The following PTPRD variants were observed in gnomAD, a reference collection of about 807,000 sequenced individuals.
The protein encoded by PTPRD is receptor-type tyrosine-protein phosphatase delta.
In PTPRD, 34 loss-of-function variants were observed where a neutral mutation model predicts 214.5. The ratio of observed to expected loss-of-function variants is 0.16; its 90% CI spans 0.12 to 0.21. PTPRD has a LOEUF of 0.21. Among genes scored for constraint, PTPRD ranks in the 10% least tolerant of loss-of-function variants. The pLI is 1.00. For synonymous variants in PTPRD, 1,128 were observed against 845.7 expected, an observed-to-expected ratio of 1.33 and a Z score of -5.79; for missense variants, 2,545 against 2,398.7, an observed-to-expected ratio of 1.06 and a Z score of -1.27.
intron 7 of PTPRD, among the ~76,000 whole-genome samples, chr9:9,612,637 T>A (rs994360158): frequency 6.6e-6 from 1 of 151,968 alleles, no homozygotes; most frequent in East Asian, 1.9e-4. Context: ...CAGCCAATTA[T>A]CCTAAGATAG....
chr9:9,574,356 T>C (rs571179486), intron 8 of PTPRD, among the ~76,000 whole-genome samples: 44 of 152,000 alleles, frequency 2.9e-4, no homozygotes, highest in Non-Finnish European at 5.6e-4. Context: ...TTTTGATACA[T>C]CTTGACAGGT....
At chr9:9,175,209 C>G (rs7873245) in intron 10 of PTPRD, among the ~76,000 whole-genome samples, 137,879 of 152,206 alleles carry the variant, frequency 0.91, 62,678 homozygotes, top group South Asian at 0.97. Flanking sequence ...CAAGATTTTT[C>G]TAAAACGTTG....
intron 3 of PTPRD, among the ~76,000 whole-genome samples, chr9:10,085,759 C>T (rs1001689209): frequency 6.6e-6 from 1 of 151,792 alleles, no homozygotes; most frequent in African/African-American, 2.4e-5. Context: ...CCAGGTGAAA[C>T]ACAAGTAGGT....
Position 10,094,911 on chromosome 9 carries a change from G to C in PTPRD, c.-544-61121C>G, listed in dbSNP as rs1047169648. On this transcript the variant is annotated intron_variant, in intron 3 of 45. Coordinates refer to ENST00000381196, the MANE Select transcript of PTPRD (RefSeq NM_002839.4). ...GACTACTTCAAAAGCAAGAATATTA[G>C]CATTACTGATTTGTTTTCCATTCTC... Among the ~76,000 whole-genome samples, 6 of 151,304 alleles carry C rather than the reference G, an allele frequency of 4.0e-5. No individual in the cohort carries two copies. The Admixed American group carries it at 4.0e-4, about 10-fold the overall frequency.
At chr9:9,115,421 G>A (rs1000208999) in intron 10 of PTPRD, among the ~76,000 whole-genome samples, 5 of 151,976 alleles carry the variant, frequency 3.3e-5, no homozygotes, top group East Asian at 1.9e-4. Context: ...AAATAAAACC[G>A]CAAGGAGAGA....
chr9:8,909,486 A>G (rs2098732065), intron 11 of PTPRD, among the ~76,000 whole-genome samples: 1 of 152,152 alleles, frequency 6.6e-6, no homozygotes, highest in African/African-American at 2.4e-5. Context: ...TTGACAGACA[A>G]AAGGGCAAAG....
chr9:10,363,153 T>C (rs983203918), intron 2 of PTPRD, among the ~76,000 whole-genome samples: 1 of 152,172 alleles, frequency 6.6e-6, no homozygotes, highest in African/African-American at 2.4e-5. Context: ...TTTTAATATT[T>C]ATACAACAAA....
intron 5 of PTPRD, among the ~76,000 whole-genome samples, chr9:9,911,969 G>T (rs1265521808): frequency 6.6e-6 from 1 of 151,948 alleles, no homozygotes; most frequent in Non-Finnish European, 1.5e-5. Flanking sequence ...TAATTCATTA[G>T]ACTTAAAAGT....
intron 3 of PTPRD, among the ~76,000 whole-genome samples, chr9:10,156,833 T>G (rs180820584): frequency 9.1e-4 from 139 of 152,318 alleles, no homozygotes; most frequent in African/African-American, 2.6e-3. Context: ...TGAGTGCATA[T>G]ATATTTAGGA....
chr9:8,375,823 T>G (rs1220462678), intron 39 of PTPRD, 113 bp downstream of exon 39: 16 of 1,272,658 alleles, frequency 1.3e-5, no homozygotes, highest in Non-Finnish European at 1.7e-5. Context: ...AAGAGAGCTG[T>G]ATTATTTATG....
At chr9:10,342,817 C>T (rs543676044) in intron 2 of PTPRD, among the ~76,000 whole-genome samples, 190 of 152,140 alleles carry the variant, frequency 1.2e-3, no homozygotes, top group African/African-American at 4.1e-3. Flanking sequence ...TGTGTGTTTT[C>T]TTCCTCTATA....
At chr9:9,912,306 C>T (rs2079421159) in intron 5 of PTPRD, among the ~76,000 whole-genome samples, 1 of 152,146 alleles carries the variant, frequency 6.6e-6, no homozygotes, top group African/African-American at 2.4e-5. Context: ...TTGGAATATA[C>T]AAACTACAGC....
chr9:9,175,869 G>A (rs2099924513), intron 10 of PTPRD, among the ~76,000 whole-genome samples: 1 of 151,876 alleles, frequency 6.6e-6, no homozygotes, highest in Non-Finnish European at 1.5e-5. Context: ...TTATAAATGC[G>A]GAGCCATATG....
At chr9:9,225,931 C>T (rs2099959188) in intron 9 of PTPRD, among the ~76,000 whole-genome samples, 1 of 151,894 alleles carries the variant, frequency 6.6e-6, no homozygotes, top group African/African-American at 2.4e-5. Flanking sequence ...TCTTCACAAG[C>T]CCAGACAGCA....
chr9:8,333,994 T>G (rs1275344224), intron 43 of PTPRD, among the ~76,000 whole-genome samples: 1 of 152,176 alleles, frequency 6.6e-6, no homozygotes, highest in Admixed American at 6.5e-5. Context: ...CTATCCTAAA[T>G]ATATGTGACC....
At chr9:10,572,630 A>C (rs1366441301) in intron 2 of PTPRD, among the ~76,000 whole-genome samples, 1 of 152,150 alleles carries the variant, frequency 6.6e-6, no homozygotes, top group Non-Finnish European at 1.5e-5. Context: ...GCAGTTGTCC[A>C]TGCCTGTGAT....
intron 10 of PTPRD, among the ~76,000 whole-genome samples, chr9:9,063,852 G>A (rs2099715247): frequency 6.6e-6 from 1 of 152,158 alleles, no homozygotes; most frequent in Non-Finnish European, 1.5e-5. Flanking sequence ...CTTTTGCCAG[G>A]TCATTAGATA....
At chr9:8,582,011 T>C (rs1055294230) in intron 14 of PTPRD, among the ~76,000 whole-genome samples, 3 of 151,216 alleles carry the variant, frequency 2.0e-5, no homozygotes, top group Non-Finnish European at 4.4e-5. Context: ...AATAAAAGTT[T>C]ATGTCTATAA....
At chr9:10,208,456 G>C (rs1395720814) in intron 3 of PTPRD, among the ~76,000 whole-genome samples, 1 of 152,228 alleles carries the variant, frequency 6.6e-6, no homozygotes, top group African/African-American at 2.4e-5. Flanking sequence ...GGAGCTTGCA[G>C]TGAACGGAGA....
Sources: gnomAD v4.1 joint callset for allele counts (sites outside exome capture counted in the v4.1 genomes callset) on GRCh38, gnomAD v4.1.1 for gene constraint, MANE v1.5 for transcripts, NCBI Gene and HGNC (gene_info 2026-07-23, HGNC 2026-07-21) for gene names.